BDKRB2: variants seen among roughly 807,000 people sequenced by gnomAD.
BDKRB2 encodes the protein bradykinin receptor B2, also known as B2 bradykinin receptor.
A neutral mutation model predicts 4.0 loss-of-function variants in BDKRB2; 6 were observed. The observed-to-expected ratio is 1.49, with a 90% confidence interval of 0.81 to 2.93. The LOEUF (loss-of-function observed/expected upper bound fraction) is 2.93, where lower values mean the gene tolerates loss of function less well. BDKRB2 is among the 30% of genes most tolerant of loss of function. The probability of loss-of-function intolerance (pLI) is 0.00; values close to 1 mark genes in which losing one functional copy is unlikely to be tolerated. For synonymous variants in BDKRB2, 225 were observed against 215.3 expected (o/e 1.05, Z -0.40); for missense variants, 478 against 520.1 (o/e 0.92, Z 0.79).
intron 2 of BDKRB2, chr14:96,240,186 A>C: frequency 7.8e-7 from 1 of 1,285,264 alleles, no homozygotes. Context: ...GATGAAGAAC[A>C]TGAGGCCCCC....
intron 2 of BDKRB2, chr14:96,237,629 C>T: frequency 8.0e-7 from 1 of 1,247,278 alleles, no homozygotes; most frequent in Non-Finnish European, 1.0e-6. Flanking sequence ...AGAGTAGAAG[C>T]AGAGGATAGG....
At chr14:96,233,244 G>A (rs1890859339) in intron 1 of BDKRB2, among the ~76,000 whole-genome samples, 1 of 152,160 alleles carries the variant, frequency 6.6e-6, no homozygotes, top group African/African-American at 2.4e-5. Flanking sequence ...GTGTTGGCCA[G>A]GCTGGTCTCC....
In BDKRB2 at chr14:96,216,821, A is replaced by G. The variant is rs1043115350; in HGVS notation, c.-40+11862A>G. On this transcript the variant is annotated intron_variant, in intron 1 of 2. Transcript: ENST00000554311. ...TAGGAGAAGAAGAAGGAGGAGGAGG[A>G]GGAGGAGATCCTACAGCACTGTTTG... is the stretch of plus-strand genomic sequence containing the variant. Among the ~76,000 whole-genome samples, 8 of 150,778 alleles carry G rather than the reference A, an allele frequency of 5.3e-5. No individual in the cohort carries two copies. In the South Asian group the frequency reaches 1.7e-3, roughly 32 times the overall value.
At chr14:96,240,174 G>T in intron 2 of BDKRB2, 3 of 1,269,354 alleles carry the variant, frequency 2.4e-6, no homozygotes. Context: ...GTGGAGCCTC[G>T]AGATGAAGAA....
intron 1 of BDKRB2, among the ~76,000 whole-genome samples, chr14:96,227,415 G>A (rs1890720972): frequency 6.6e-6 from 1 of 152,118 alleles, no homozygotes. Context: ...TGGGAGCTGG[G>A]CTTCTGATAG....
At chr14:96,219,596 G>A (rs1190105391) in intron 1 of BDKRB2, among the ~76,000 whole-genome samples, 1 of 151,524 alleles carries the variant, frequency 6.6e-6, no homozygotes, top group Non-Finnish European at 1.5e-5. Flanking sequence ...AAAAAAAAGA[G>A]ACTAGAACTG....
intron 1 of BDKRB2, among the ~76,000 whole-genome samples, chr14:96,232,991 G>T (rs1201608556): frequency 6.6e-6 from 1 of 152,210 alleles, no homozygotes; most frequent in Non-Finnish European, 1.5e-5. Flanking sequence ...ATGTGACATG[G>T]GAACCTTCAT....
At chr14:96,208,655 G>A (rs971143817) in intron 1 of BDKRB2, among the ~76,000 whole-genome samples, 17 of 152,320 alleles carry the variant, frequency 1.1e-4, no homozygotes, top group Admixed American at 5.2e-4. Context: ...CATTTGCTTT[G>A]CAGTAAGGCC....
In BDKRB2 at chr14:96,237,101, A is replaced by T. The variant is rs1479956253; in HGVS notation, c.-7A>T. ...GTGGCCTCACTCACATCCCACTCTGAGTCCAAATGTTCTCTCCCTGGAAGA... is the reference window on the plus strand; with the variant it reads ...GTGGCCTCACTCACATCCCACTCTGTGTCCAAATGTTCTCTCCCTGGAAGA... On this transcript the variant is annotated 5_prime_UTR_variant, in exon 2 of 3. The change abolishes the stop of an existing upstream ORF in the 5' untranslated region. Transcript: ENST00000554311. 1.9e-6 allele frequency: 3 copies of T among 1,612,728 alleles called. No individual in the cohort carries two copies. Among genetic ancestry groups the T allele is most frequent in the Non-Finnish European group, 2.5e-6 (3 of 1,178,722 alleles).
intron 1 of BDKRB2, chr14:96,223,288 G>C: frequency 9.6e-7 from 1 of 1,046,866 alleles, no homozygotes; most frequent in Non-Finnish European, 1.5e-6. Flanking sequence ...TATGATCCAT[G>C]AATCAGAACC....
chr14:96,225,394 T>C (rs960830752), intron 1 of BDKRB2, among the ~76,000 whole-genome samples: 1 of 152,012 alleles, frequency 6.6e-6, no homozygotes, highest in Non-Finnish European at 1.5e-5. Flanking sequence ...GAAGGCTTCT[T>C]AGAGGAGGTG....
rs200098225 is a variant in BDKRB2, at chr14:96,242,536, C to T, written c.*1032C>T. The T allele has an allele frequency of 3.9e-5, 6 of 152,340 alleles. No individual in the cohort carries two copies. The highest frequency in any genetic ancestry group is 1.3e-4 in the Admixed American group (2 of 15,302). The allele number at this position is 152,340 out of a possible 1,614,324, so 9.4% of individuals were successfully genotyped here. A position where few individuals can be genotyped will look rare whatever the true frequency, so the allele number is the denominator to read the frequency against. Reference sequence around the variant, plus strand: ...GTGGAGCAGAATCAGTATTGGGAGCCGGTGGCGGTGTGAAGCACCAGTGTC... The same window carrying T: ...GTGGAGCAGAATCAGTATTGGGAGCTGGTGGCGGTGTGAAGCACCAGTGTC... On this transcript the variant is annotated 3_prime_UTR_variant, in exon 3 of 3. Transcript: ENST00000554311.
intron 1 of BDKRB2, chr14:96,223,473 CTGTT>C (rs1890624216): frequency 3.1e-6 from 2 of 638,860 alleles, no homozygotes; most frequent in Non-Finnish European, 5.8e-6. Flanking sequence ...GTTCAATACA[CTGTT>C]TGAATGTGCT....
chr14:96,239,036 C>T (rs575809254), intron 2 of BDKRB2: 1 of 985,400 alleles, frequency 1.0e-6, no homozygotes, highest in African/African-American at 1.7e-5. Context: ...AGCAAACGGA[C>T]TTTTCCTGGG....
At position 96,243,843 on chromosome 14, in the gene BDKRB2, G is replaced by GA. The variant is rs146288764; in HGVS notation, c.*2352dup. On this transcript the variant is annotated 3_prime_UTR_variant, in exon 3 of 3. Coordinates refer to ENST00000554311, the MANE Select transcript of BDKRB2 (RefSeq NM_001379692.1). ...TCAAACTGTGCCACACATGGTGAATGAAAAAAAAAAAAAGAGGCTGTGTTT... is the reference window on the plus strand; with the variant it reads ...TCAAACTGTGCCACACATGGTGAATGAAAAAAAAAAAAAAGAGGCTGTGTTT... The GA allele has an allele frequency of 0.12, 23,984 of 200,192 alleles. 706 individuals carry two copies. The highest frequency in any genetic ancestry group is 0.14 in the Non-Finnish European group (14,646 of 103,778). 12.4% of individuals were successfully genotyped at this position (200,192 alleles called of 1,614,324 possible).
At chr14:96,229,590 G>C (rs1020622503) in intron 1 of BDKRB2, among the ~76,000 whole-genome samples, 6 of 152,118 alleles carry the variant, frequency 3.9e-5, no homozygotes, top group African/African-American at 1.4e-4. Context: ...CCAACACCAA[G>C]ATTAGCTTGA....
chr14:96,218,945 CAAAT>C (rs1368222420), intron 1 of BDKRB2, among the ~76,000 whole-genome samples: 3 of 150,910 alleles, frequency 2.0e-5, no homozygotes, highest in African/African-American at 7.3e-5. Flanking sequence ...CGAACCAAAA[CAAAT>C]AAAAACCCAT....
chr14:96,240,431 G>T lies in BDKRB2; in HGVS notation c.103G>T (p.Gly35Trp). 1 of 1,468,642 alleles carries T rather than the reference G, an allele frequency of 6.8e-7. No individual in the cohort carries two copies. The highest frequency in any genetic ancestry group is 1.5e-5 in the South Asian group (1 of 65,490). The allele number at this position is 1,468,642 out of a possible 1,614,324, so 91.0% of individuals were successfully genotyped here. A position where few individuals can be genotyped will look rare whatever the true frequency, so the allele number is the denominator to read the frequency against. Residue 35 changes from glycine to tryptophan, a missense_variant, in exon 3 of 3, where the codon GGG (glycine) becomes TGG (tryptophan). Coordinates refer to ENST00000554311, the MANE Select transcript of BDKRB2 (RefSeq NM_001379692.1). ...SADMLNVTLQ[G>W]PTLNGTFAQS... ...CGACATGCTCAATGTCACCTTGCAA[G>T]GGCCCACTCTTAACGGGACCTTTGC... is the stretch of plus-strand genomic sequence containing the variant.
chr14:96,212,852 A>C (rs533006113), intron 1 of BDKRB2, among the ~76,000 whole-genome samples: 1 of 152,130 alleles, frequency 6.6e-6, no homozygotes, highest in Non-Finnish European at 1.5e-5. Flanking sequence ...GAAAGGTAGG[A>C]TAGCAGGAGT....
Sources: allele counts gnomAD v4.1 joint callset (sites outside exome capture counted in the v4.1 genomes callset), GRCh38; gene constraint gnomAD v4.1.1; transcripts MANE v1.5; gene names NCBI Gene and HGNC (gene_info 2026-07-23, HGNC 2026-07-21).